The following YEATS2 variants were observed in gnomAD, a reference collection of about 807,000 sequenced individuals.
The protein encoded by YEATS2 is YEATS domain containing 2, also known as YEATS domain-containing protein 2.
A neutral mutation model predicts 163.2 loss-of-function variants in YEATS2; 77 were observed. That is an observed-to-expected ratio of 0.47 (90% CI 0.39 to 0.57). YEATS2 has a LOEUF of 0.57. Among genes scored for constraint, YEATS2 ranks in the 20% least tolerant of loss-of-function variants. The pLI is 0.00. For missense variants in YEATS2, 1,549 were observed against 1,729.8 expected, an observed-to-expected ratio of 0.90 and a Z score of 1.85; for synonymous variants, 631 against 645.1, an observed-to-expected ratio of 0.98 and a Z score of 0.33.
intron 21 of YEATS2, among the ~76,000 whole-genome samples, chr3:183,794,071 C>T (rs551640034): frequency 6.6e-5 from 10 of 152,268 alleles, no homozygotes; most frequent in South Asian, 4.1e-4. Context: ...TGTCAGAGCA[C>T]GCAGGGGCTG....
At chr3:183,776,719 C>G (rs139865426) in intron 18 of YEATS2, among the ~76,000 whole-genome samples, 10 of 152,004 alleles carry the variant, frequency 6.6e-5, no homozygotes, top group African/African-American at 2.4e-4. Flanking sequence ...TCTGGGAGGC[C>G]GAGGCAGGCA....
intron 21 of YEATS2, among the ~76,000 whole-genome samples, chr3:183,795,892 C>T (rs1336344251): frequency 6.6e-6 from 1 of 151,680 alleles, no homozygotes; most frequent in African/African-American, 2.4e-5. Flanking sequence ...TAAGGCCTTG[C>T]TCTAGAAAGT....
At chr3:183,776,205 C>A in intron 18 of YEATS2, 82 bp downstream of exon 18, 1 of 1,344,448 alleles carries the variant, frequency 7.4e-7, no homozygotes, top group Non-Finnish European at 1.0e-6. Flanking sequence ...ACCTTTACGG[C>A]TCTGGGATCA....
At chr3:183,701,934 A>G (rs1714135247) in intron 1 of YEATS2, among the ~76,000 whole-genome samples, 1 of 152,152 alleles carries the variant, frequency 6.6e-6, no homozygotes, top group Non-Finnish European at 1.5e-5. Flanking sequence ...CTTGCCTAGA[A>G]CTAGTTCTAC....
chr3:183,699,941 A>G (rs1713883099), intron 1 of YEATS2, among the ~76,000 whole-genome samples: 1 of 152,140 alleles, frequency 6.6e-6, no homozygotes, highest in South Asian at 2.1e-4. Context: ...AGGAAATGAA[A>G]CTAATGAGTG....
At chr3:183,789,130 G>A (rs1724345625) in intron 20 of YEATS2, among the ~76,000 whole-genome samples, 1 of 152,134 alleles carries the variant, frequency 6.6e-6, no homozygotes, top group South Asian at 2.1e-4. Context: ...TTAACTTGAT[G>A]TGATCCCATT....
At chr3:183,731,541 C>A (rs1717780148) in intron 7 of YEATS2, among the ~76,000 whole-genome samples, 1 of 152,134 alleles carries the variant, frequency 6.6e-6, no homozygotes, top group Non-Finnish European at 1.5e-5. Flanking sequence ...TTTTAAATTG[C>A]AAAGACTATT....
chr3:183,790,739 C>T (rs1724542850), intron 20 of YEATS2, 58 bp from the exon 21 acceptor site: 2 of 1,576,368 alleles, frequency 1.3e-6, no homozygotes, highest in East Asian at 4.5e-5. Context: ...TCACCGCCGT[C>T]AGTCATCACT....
intron 1 of YEATS2, among the ~76,000 whole-genome samples, chr3:183,709,209 A>G (rs1266521850): frequency 6.6e-6 from 1 of 152,032 alleles, no homozygotes; most frequent in Non-Finnish European, 1.5e-5. Context: ...TTTGTCAAAA[A>G]CTCAGACTTG....
intron 3 of YEATS2, 54 bp downstream of exon 3, chr3:183,717,802 C>A: frequency 9.3e-7 from 1 of 1,078,642 alleles, no homozygotes; most frequent in Non-Finnish European, 1.3e-6. Flanking sequence ...AAAATGTATA[C>A]ATGATTGAAA....
At position 183,728,811 on chromosome 3, in the gene YEATS2, C is replaced by T; in HGVS notation, c.772C>T (p.Leu258Phe). The stretch of plus-strand genomic sequence containing the variant: ...TTTTGTCAAGAAGGTTTGGTTCTTC[C>T]TTCATCCTAGCTATAAACCAAATGA... ...NHFVKKVWFF[L>F]HPSYKPNDLV... The change falls in exon 7 of 31, where the codon CTT becomes TTT. Residue 258 changes from leucine to phenylalanine, a missense_variant. Leu to Phe is a conservative substitution (Grantham distance 22). Coordinates refer to ENST00000305135, the MANE Select transcript of YEATS2 (RefSeq NM_018023.5). 6.2e-7 allele frequency: 1 copy of T among 1,614,120 alleles called. No homozygotes were observed. The highest frequency in any genetic ancestry group is 2.2e-5 in the East Asian group (1 of 44,882).
At chr3:183,785,488 CAAAA>C (rs146941322) in intron 19 of YEATS2, among the ~76,000 whole-genome samples, 1 of 52,248 alleles carries the variant, frequency 1.9e-5, no homozygotes, top group Non-Finnish European at 3.9e-5. Flanking sequence ...GACTCTGTCT[CAAAA>C]AAAAAAAAAA....
chr3:183,725,838 C>G (rs994709943), intron 6 of YEATS2, among the ~76,000 whole-genome samples: 1 of 152,176 alleles, frequency 6.6e-6, no homozygotes, highest in South Asian at 2.1e-4. Context: ...ATTTCCTGTT[C>G]TTTTCTTCTG....
rs914515323 is a variant in YEATS2 at position 183,722,109 on chromosome 3, G to A, written c.510G>A (p.Glu170=). ...DIEERLSNNM[E]QRPSRNTGRD... Reference sequence around the variant, plus strand: ...AGGAAAGACTCTCAAACAACATGGAGCAGAGACCAAGCCGAAATACTGGAA... The same window carrying A: ...AGGAAAGACTCTCAAACAACATGGAACAGAGACCAAGCCGAAATACTGGAA... The change falls in exon 5 of 31, where the codon GAG becomes GAA. Residue 170 remains glutamate, a synonymous_variant. Coordinates refer to ENST00000305135, the MANE Select transcript of YEATS2 (RefSeq NM_018023.5). 1 of 1,614,004 alleles carries A rather than the reference G, an allele frequency of 6.2e-7. No individual in the cohort carries two copies. Among genetic ancestry groups the A allele is most frequent in the South Asian group, 1.1e-5 (1 of 91,070 alleles).
At chr3:183,775,372 C>T (rs1420338101) in intron 17 of YEATS2, among the ~76,000 whole-genome samples, 2 of 152,102 alleles carry the variant, frequency 1.3e-5, no homozygotes, top group Non-Finnish European at 2.9e-5. Context: ...CCAAGGCGGG[C>T]GGATCATGAG....
chr3:183,808,317 G>A, intron 29 of YEATS2: 1 of 558,320 alleles, frequency 1.8e-6, no homozygotes, highest in Admixed American at 3.3e-5. Flanking sequence ...GTGGTTTCAG[G>A]TGCCTCCTAA....
chr3:183,723,000 A>G (rs1308742443), intron 5 of YEATS2, among the ~76,000 whole-genome samples: 1 of 152,228 alleles, frequency 6.6e-6, no homozygotes, highest in African/African-American at 2.4e-5. Context: ...TGTGCACAGC[A>G]CAGCTCCTGG....
chr3:183,768,056 G>A (rs1337868208), intron 15 of YEATS2, among the ~76,000 whole-genome samples: 1 of 152,202 alleles, frequency 6.6e-6, no homozygotes, highest in Admixed American at 6.5e-5. Flanking sequence ...ATGTTTGGGA[G>A]GTTTGAAGAC....
chr3:183,703,376 T>C (rs1714310547), intron 1 of YEATS2, among the ~76,000 whole-genome samples: 2 of 152,208 alleles, frequency 1.3e-5, no homozygotes, highest in African/African-American at 4.8e-5. Flanking sequence ...TTTTTGTCGG[T>C]ACTAACTCTG....
Sources: gnomAD v4.1 joint callset for allele counts (sites outside exome capture counted in the v4.1 genomes callset) on GRCh38, gnomAD v4.1.1 for gene constraint, MANE v1.5 for transcripts, NCBI Gene and HGNC (gene_info 2026-07-23, HGNC 2026-07-21) for gene names.